The following MEIS2 variants were observed in gnomAD, a reference collection of about 807,000 sequenced individuals.
MEIS2 encodes the protein Meis homeobox 2, also known as homeobox protein Meis2.
Under a neutral mutation model 58.6 loss-of-function variants are expected in MEIS2, and 9 were observed. That is an observed-to-expected ratio of 0.15 (90% CI 0.09 to 0.27). The LOEUF is 0.27. Ranked by LOEUF, MEIS2 falls within the 10% of genes least tolerant of loss-of-function variation. MEIS2 has a pLI of 1.00. For synonymous variants in MEIS2, 221 were observed against 228.4 expected, an observed-to-expected ratio of 0.97 and a Z score of 0.29; for missense variants, 427 against 635.0, an observed-to-expected ratio of 0.67 and a Z score of 3.52.
intron 8 of MEIS2, among the ~76,000 whole-genome samples, chr15:37,035,736 C>A (rs972572600): frequency 1.3e-4 from 20 of 152,160 alleles, no homozygotes; most frequent in African/African-American, 4.6e-4. Flanking sequence ...TATCACTTTT[C>A]CCTCCCCACC....
intron 7 of MEIS2, among the ~76,000 whole-genome samples, chr15:37,068,247 A>T (rs1890223778): frequency 6.6e-6 from 1 of 152,150 alleles, no homozygotes; most frequent in Admixed American, 6.5e-5. Flanking sequence ...ATCTCTCTAT[A>T]AAGTGTGGAA....
chr15:36,900,775 CTT>C (rs2056428536), intron 9 of MEIS2, among the ~76,000 whole-genome samples: 1 of 152,178 alleles, frequency 6.6e-6, no homozygotes, highest in Non-Finnish European at 1.5e-5. Flanking sequence ...TCTTTAAAGA[CTT>C]TTTACTCCGA....
chr15:36,991,925 C>T (rs1262494426), intron 8 of MEIS2, among the ~76,000 whole-genome samples: 1 of 146,192 alleles, frequency 6.8e-6, no homozygotes. Flanking sequence ...GTAGCTGGGA[C>T]TACAGGCGCC....
intron 9 of MEIS2, among the ~76,000 whole-genome samples, chr15:36,948,975 G>A (rs1031819570): frequency 1.3e-5 from 2 of 151,878 alleles, no homozygotes; most frequent in Non-Finnish European, 2.9e-5. Flanking sequence ...TTTCTTTTCA[G>A]GTTAGCAGTT....
At chr15:37,043,461 T>G (rs957671494) in intron 7 of MEIS2, among the ~76,000 whole-genome samples, 2 of 152,158 alleles carry the variant, frequency 1.3e-5, no homozygotes, top group Admixed American at 1.3e-4. Context: ...ATAAAGATAC[T>G]TATATGTGTT....
intron 9 of MEIS2, among the ~76,000 whole-genome samples, chr15:36,929,470 C>G (rs891157683): frequency 6.6e-6 from 1 of 152,134 alleles, no homozygotes; most frequent in Non-Finnish European, 1.5e-5. Flanking sequence ...GAAATTTGTA[C>G]GAGAGTATTG....
chr15:36,948,394 T>C lies in MEIS2; in HGVS notation c.977+1930A>G, dbSNP rs958856247. Among the ~76,000 whole-genome samples, 5 of 152,080 alleles carry C rather than the reference T, an allele frequency of 3.3e-5. No individual in the cohort carries two copies. In the East Asian group the frequency reaches 7.7e-4, roughly 24 times the overall value. The stretch of plus-strand genomic sequence containing the variant: ...GTGTCTAATTGTGGGAAATGCTAGA[T>C]TGTAGATTCTAAAAATTCTTCATTC... On this transcript the variant is annotated intron_variant, in intron 9 of 11. Coordinates refer to ENST00000561208, the MANE Select transcript of MEIS2 (RefSeq NM_170675.5).
At chr15:36,922,619 C>CTTTTTTTTTT (rs59227539) in intron 9 of MEIS2, among the ~76,000 whole-genome samples, 3 of 126,902 alleles carry the variant, frequency 2.4e-5, no homozygotes, top group Admixed American at 1.7e-4. Context: ...TTCTTTCTTT[C>CTTTTTTTTTT]TTTTTTTTTT....
chr15:36,981,480 T>G (rs2059926420), intron 8 of MEIS2, among the ~76,000 whole-genome samples: 1 of 152,140 alleles, frequency 6.6e-6, no homozygotes, highest in South Asian at 2.1e-4. Context: ...TGAGAAACTG[T>G]AGCTCCTTAT....
At chr15:36,952,607 C>CTGTGTGTGTGTGTGTGTG (rs59061267) in intron 8 of MEIS2, among the ~76,000 whole-genome samples, 3 of 139,994 alleles carry the variant, frequency 2.1e-5, no homozygotes, top group African/African-American at 8.0e-5. Context: ...GTCTCTCTCT[C>CTGTGTGTGTGTGTGTGTG]TGTGTGTGTG....
chr15:36,979,100 A>G (rs968717989), intron 8 of MEIS2, among the ~76,000 whole-genome samples: 2 of 152,196 alleles, frequency 1.3e-5, no homozygotes, highest in African/African-American at 4.8e-5. Context: ...CTTTTTGAGC[A>G]CTGACATGAT....
intron 9 of MEIS2, among the ~76,000 whole-genome samples, chr15:36,923,329 C>CT (rs1172658749): frequency 0.014 from 2,003 of 146,786 alleles, 37 homozygotes; most frequent in African/African-American, 0.047. Flanking sequence ...AGGTTCTGAG[C>CT]TTTTTTTTTT....
chr15:36,995,850 C>T (rs2060474772), intron 8 of MEIS2, among the ~76,000 whole-genome samples: 1 of 146,030 alleles, frequency 6.8e-6, no homozygotes, highest in Non-Finnish European at 1.5e-5. Flanking sequence ...ACACAATAGG[C>T]ATTTTTCTTG....
intron 4 of MEIS2, among the ~76,000 whole-genome samples, chr15:37,094,798 T>C (rs1246356823): frequency 6.6e-6 from 1 of 152,090 alleles, no homozygotes; most frequent in Admixed American, 6.5e-5. Context: ...TGACTCAACC[T>C]GAGCATAAGC....
intron 8 of MEIS2, among the ~76,000 whole-genome samples, chr15:36,953,092 G>C (rs576901472): frequency 2.6e-4 from 40 of 152,022 alleles, no homozygotes; most frequent in Non-Finnish European, 5.1e-4. Flanking sequence ...TTACCTCAAA[G>C]TGCTCTGGCA....
At chr15:37,072,132 C>T (rs1217847657) in intron 7 of MEIS2, among the ~76,000 whole-genome samples, 3 of 152,122 alleles carry the variant, frequency 2.0e-5, no homozygotes, top group Non-Finnish European at 4.4e-5. Context: ...AATCTATATT[C>T]TATATGGAGT....
chr15:37,084,157 T>C (rs1194161194), intron 6 of MEIS2, among the ~76,000 whole-genome samples: 3 of 152,182 alleles, frequency 2.0e-5, no homozygotes, highest in Admixed American at 6.5e-5. Flanking sequence ...GGGTAAATTT[T>C]ATTATATACA....
chr15:36,919,540 G>T (rs1029059385), intron 9 of MEIS2, among the ~76,000 whole-genome samples: 1 of 148,588 alleles, frequency 6.7e-6, no homozygotes, highest in Non-Finnish European at 1.5e-5. Context: ...TTGCGCCACT[G>T]CACTCTAGCC....
At chr15:36,990,133 G>A (rs1481120036) in intron 8 of MEIS2, among the ~76,000 whole-genome samples, 6 of 152,164 alleles carry the variant, frequency 3.9e-5, no homozygotes, top group Non-Finnish European at 5.9e-5. Context: ...TTTTAGTAGA[G>A]ACAGGGTTTC....
Sources: allele counts gnomAD v4.1 joint callset (sites outside exome capture counted in the v4.1 genomes callset), GRCh38; gene constraint gnomAD v4.1.1; transcripts MANE v1.5; gene names NCBI Gene and HGNC (gene_info 2026-07-23, HGNC 2026-07-21).